CYSLTR2: variants seen among roughly 807,000 people sequenced by gnomAD.
CYSLTR2 encodes the protein G-protein coupled receptor GPCR21.
For missense variants in CYSLTR2, 398 were observed against 411.9 expected, an observed-to-expected ratio of 0.97 and a Z score of 0.29; for synonymous variants, 179 against 160.8, an observed-to-expected ratio of 1.11 and a Z score of -0.86.
At chr13:48,671,496 A>G (rs1953429428) in intron 1 of CYSLTR2, among the ~76,000 whole-genome samples, 1 of 152,162 alleles carries the variant, frequency 6.6e-6, no homozygotes, top group South Asian at 2.1e-4. Context: ...AAGGGTGTTG[A>G]ATTTTATCAA....
intron 1 of CYSLTR2, among the ~76,000 whole-genome samples, chr13:48,683,868 G>A (rs1484102484): frequency 6.6e-6 from 1 of 152,070 alleles, no homozygotes; most frequent in African/African-American, 2.4e-5. Flanking sequence ...TTATAATGGG[G>A]TATTCAACTT....
chr13:48,664,279 G>GT (rs1403306552), intron 1 of CYSLTR2, among the ~76,000 whole-genome samples: 1 of 151,680 alleles, frequency 6.6e-6, no homozygotes, highest in South Asian at 2.1e-4. Context: ...TTAGCCTGTA[G>GT]TTTTTTTTGT....
At position 48,698,582 on chromosome 13, in the gene CYSLTR2, G is replaced by C. The variant is rs536699102; in HGVS notation, c.-2+1956G>C. 4.4e-3 allele frequency among the ~76,000 whole-genome samples: 670 copies of C among 152,262 alleles called. 3 individuals carry two copies. Among genetic ancestry groups the C allele is most frequent in the Middle Eastern group, 0.014 (4 of 294 alleles). ...CTGCAAAAACATGCCAAATTGTAAAGACCATCAATGCTAGGAAGAAACTGC... is the reference window on the plus strand; with the variant it reads ...CTGCAAAAACATGCCAAATTGTAAACACCATCAATGCTAGGAAGAAACTGC... On this transcript the variant is annotated intron_variant, in intron 4 of 4. Coordinates refer to ENST00000682523, the MANE Select transcript of CYSLTR2 (RefSeq NM_001308476.3).
At chr13:48,682,636 G>C (rs958995625) in intron 1 of CYSLTR2, among the ~76,000 whole-genome samples, 1 of 152,120 alleles carries the variant, frequency 6.6e-6, no homozygotes, top group African/African-American at 2.4e-5. Flanking sequence ...CTGCACATGA[G>C]AAATTTCATC....
In CYSLTR2 at chr13:48,709,967, C is replaced by T. The variant is rs1954597232; in HGVS notation, c.*2109C>T. On this transcript the variant is annotated 3_prime_UTR_variant, in exon 5 of 5. Transcript: ENST00000682523. ...TTGAGAGGGATTTAGATTTCTCTTG[C>T]AGAGATTGAGATAAACTAGTCGTAA... The T allele has an allele frequency of 6.6e-6, 1 of 152,102 alleles. No homozygotes were observed. Among genetic ancestry groups the T allele is most frequent in the South Asian group, 2.1e-4 (1 of 4,834 alleles). 9.4% of individuals were successfully genotyped at this position (152,102 alleles called of 1,614,324 possible).
chr13:48,661,054 A>G (rs755874245), intron 1 of CYSLTR2, among the ~76,000 whole-genome samples: 6 of 152,168 alleles, frequency 3.9e-5, no homozygotes, highest in Non-Finnish European at 8.8e-5. Flanking sequence ...AACCCTATGA[A>G]GTAAGAACTA....
intron 4 of CYSLTR2, among the ~76,000 whole-genome samples, chr13:48,700,395 G>A (rs1219779420): frequency 2.0e-5 from 3 of 152,136 alleles, no homozygotes; most frequent in Non-Finnish European, 4.4e-5. Context: ...AATCCATCAT[G>A]TAAACAGAAC....
intron 1 of CYSLTR2, among the ~76,000 whole-genome samples, chr13:48,686,576 T>G (rs1024013138): frequency 2.0e-5 from 3 of 152,184 alleles, no homozygotes; most frequent in African/African-American, 7.2e-5. Flanking sequence ...CCGCAAAATC[T>G]GTGTGTTCTT....
intron 1 of CYSLTR2, among the ~76,000 whole-genome samples, chr13:48,672,616 CTTTT>C (rs71076039): frequency 1.6e-3 from 187 of 120,116 alleles, no homozygotes; most frequent in Middle Eastern, 4.2e-3. Context: ...CTTTTCTTTT[CTTTT>C]TTTTTTTTTT....
intron 4 of CYSLTR2, chr13:48,706,477 A>G: frequency 5.0e-6 from 1 of 202,016 alleles, no homozygotes; most frequent in Non-Finnish European, 1.0e-5. Context: ...ATAGTTTCTG[A>G]TGAGAAATCT....
chr13:48,662,844 T>C (rs909457820), intron 1 of CYSLTR2, among the ~76,000 whole-genome samples: 2 of 152,216 alleles, frequency 1.3e-5, no homozygotes, highest in Admixed American at 6.5e-5. Context: ...GCAGAAACTT[T>C]CTAGTTTGAT....
intron 1 of CYSLTR2, among the ~76,000 whole-genome samples, chr13:48,673,029 G>A (rs1449305757): frequency 2.0e-5 from 3 of 152,130 alleles, no homozygotes; most frequent in South Asian, 2.1e-4. Flanking sequence ...TTCCAATTAT[G>A]TGGTCAATTT....
At chr13:48,654,295 G>C (rs1952947819) in intron 1 of CYSLTR2, among the ~76,000 whole-genome samples, 1 of 65,606 alleles carries the variant, frequency 1.5e-5, no homozygotes, top group African/African-American at 8.1e-5. Context: ...GTGTGTGTGT[G>C]TGTGTGTGTG....
chr13:48,684,011 T>G (rs961393870), intron 1 of CYSLTR2, among the ~76,000 whole-genome samples: 2 of 152,192 alleles, frequency 1.3e-5, no homozygotes, highest in Non-Finnish European at 2.9e-5. Flanking sequence ...CTCAAACTCC[T>G]GGGCTCAAGC....
chr13:48,661,247 T>C (rs1045011533), intron 1 of CYSLTR2, among the ~76,000 whole-genome samples: 7 of 152,044 alleles, frequency 4.6e-5, no homozygotes, highest in Admixed American at 6.6e-5. Flanking sequence ...CCACTTTGCC[T>C]GGCCGCATTA....
chr13:48,688,271 T>C (rs1318299383), intron 1 of CYSLTR2, among the ~76,000 whole-genome samples: 1 of 152,190 alleles, frequency 6.6e-6, no homozygotes, highest in Non-Finnish European at 1.5e-5. Flanking sequence ...TCTTCTTCTT[T>C]TTTTTTAATT....
chr13:48,696,777 G>A (rs919680475), intron 4 of CYSLTR2, among the ~76,000 whole-genome samples, 151 bp downstream of exon 4: 18 of 152,146 alleles, frequency 1.2e-4, no homozygotes, highest in African/African-American at 4.3e-4. Context: ...GGAAAATTGG[G>A]ACACTCCCAC....
intron 4 of CYSLTR2, among the ~76,000 whole-genome samples, chr13:48,696,827 C>A (rs1954200022): frequency 6.6e-6 from 1 of 152,236 alleles, no homozygotes. Flanking sequence ...GCAAACGGCA[C>A]ACCAGGAGAT....
At chr13:48,676,279 A>C (rs1953593948) in intron 1 of CYSLTR2, among the ~76,000 whole-genome samples, 1 of 152,244 alleles carries the variant, frequency 6.6e-6, no homozygotes, top group Admixed American at 6.5e-5. Context: ...CATATATGAG[A>C]ATACAGATAC....
Sources: allele counts gnomAD v4.1 joint callset (sites outside exome capture counted in the v4.1 genomes callset), GRCh38; gene constraint gnomAD v4.1.1; transcripts MANE v1.5; gene names NCBI Gene and HGNC (gene_info 2026-07-23, HGNC 2026-07-21).